The following ASAP2 variants were observed in gnomAD, a reference collection of about 807,000 sequenced individuals.
ASAP2 encodes ArfGAP with SH3 domain, ankyrin repeat and PH domain 2.
Under a neutral mutation model 131.4 loss-of-function variants are expected in ASAP2, and 45 were observed. That is an observed-to-expected ratio of 0.34 (90% confidence interval 0.27 to 0.44). The LOEUF is 0.44. Among genes scored for constraint, ASAP2 ranks in the 20% least tolerant of loss-of-function variants. The pLI is 1.00. For synonymous variants in ASAP2, 510 were observed against 503.0 expected, an observed-to-expected ratio of 1.01 and a Z score of -0.19; for missense variants, 1,011 against 1,297.0, an observed-to-expected ratio of 0.78 and a Z score of 3.39.
At chr2:9,215,516 T>A (rs923912481) in intron 1 of ASAP2, among the ~76,000 whole-genome samples, 2 of 152,196 alleles carry the variant, frequency 1.3e-5, no homozygotes, top group Non-Finnish European at 2.9e-5. Context: ...TATTACCATG[T>A]GTTGCTTACA....
At chr2:9,373,400 C>G (rs1411514592) in intron 16 of ASAP2, among the ~76,000 whole-genome samples, 6 of 152,240 alleles carry the variant, frequency 3.9e-5, no homozygotes. Flanking sequence ...GATTTGAGGC[C>G]TGGCAGACGC....
At chr2:9,229,869 C>T (rs185072185) in intron 1 of ASAP2, among the ~76,000 whole-genome samples, 2 of 152,184 alleles carry the variant, frequency 1.3e-5, no homozygotes, top group Admixed American at 1.3e-4. Context: ...TGTGGGTGGG[C>T]CAGGCTGTTG....
chr2:9,321,211 G>A (rs1410107350), intron 5 of ASAP2, among the ~76,000 whole-genome samples: 1 of 151,754 alleles, frequency 6.6e-6, no homozygotes, highest in Non-Finnish European at 1.5e-5. Flanking sequence ...TCATTAGATT[G>A]TTTAAAAAAA....
At chr2:9,265,075 G>A (rs956873815) in intron 1 of ASAP2, among the ~76,000 whole-genome samples, 2 of 152,200 alleles carry the variant, frequency 1.3e-5, no homozygotes, top group African/African-American at 2.4e-5. Flanking sequence ...GGTGGAGGCT[G>A]CAGTGAGCCG....
chr2:9,317,617 A>C (rs575378899), intron 3 of ASAP2, among the ~76,000 whole-genome samples: 2 of 145,266 alleles, frequency 1.4e-5, no homozygotes, highest in East Asian at 2.1e-4. Flanking sequence ...CACATCCACA[A>C]TCACACCCAC....
intron 11 of ASAP2, among the ~76,000 whole-genome samples, chr2:9,348,950 G>A (rs1291157834): frequency 6.6e-6 from 1 of 152,118 alleles, no homozygotes; most frequent in East Asian, 1.9e-4. Flanking sequence ...TGAGCCCCGA[G>A]CCCTGGAGCC....
intron 15 of ASAP2, among the ~76,000 whole-genome samples, chr2:9,365,315 G>A (rs1673384978): frequency 6.6e-6 from 1 of 152,158 alleles, no homozygotes; most frequent in African/African-American, 2.4e-5. Context: ...GGATCCAAGG[G>A]GCCCAGTTAA....
At chr2:9,385,470 C>A in intron 21 of ASAP2, 112 bp downstream of exon 21, 4 of 827,390 alleles carry the variant, frequency 4.8e-6, no homozygotes, top group South Asian at 1.7e-5. Context: ...GAAAATGTAG[C>A]TTACTTTATG....
At chr2:9,214,093 C>T (rs1280673039) in intron 1 of ASAP2, among the ~76,000 whole-genome samples, 2 of 152,132 alleles carry the variant, frequency 1.3e-5, no homozygotes, top group African/African-American at 4.8e-5. Context: ...CATTTCAGCT[C>T]CCCAAACACT....
intron 24 of ASAP2, among the ~76,000 whole-genome samples, chr2:9,395,174 C>G (rs1676015948): frequency 6.6e-6 from 1 of 152,124 alleles, no homozygotes; most frequent in Non-Finnish European, 1.5e-5. Context: ...AGTTCCACCT[C>G]TCAATAAAGA....
chr2:9,314,700 G>A (rs1226531773), intron 3 of ASAP2, among the ~76,000 whole-genome samples: 1 of 152,048 alleles, frequency 6.6e-6, no homozygotes, highest in East Asian at 1.9e-4. Flanking sequence ...TTGGGAGGCC[G>A]AGGCAGGTGG....
intron 3 of ASAP2, among the ~76,000 whole-genome samples, chr2:9,317,331 CTT>C (rs1669789559): frequency 1.7e-4 from 1 of 5,804 alleles, no homozygotes; most frequent in Admixed American, 4.3e-3. Flanking sequence ...ACAATCATAT[CTT>C]CACTCACACA....
At chr2:9,369,030 T>TC (rs200140240) in intron 16 of ASAP2, among the ~76,000 whole-genome samples, 3 of 151,570 alleles carry the variant, frequency 2.0e-5, no homozygotes, top group Admixed American at 6.6e-5. Context: ...TTTTTTTTTT[T>TC]TCTGGGAGAC....
At position 9,217,947 on chromosome 2, in the gene ASAP2, C is replaced by T. The variant is rs925667093; in HGVS notation, c.126+10717C>T. Among the ~76,000 whole-genome samples the T allele has an allele frequency of 6.6e-6, 1 of 150,582 alleles. No individual in the cohort carries two copies. Among genetic ancestry groups the T allele is most frequent in the Admixed American group, 6.6e-5 (1 of 15,092 alleles). ...TTTTTACATGAAAAAATAATGATGA[C>T]AATGCTTTAATTTCATTTCTCTGAG... On this transcript the variant is annotated intron_variant, in intron 1 of 27. Coordinates refer to ENST00000281419, the MANE Select transcript of ASAP2 (RefSeq NM_003887.3). This position sits in a 1 kb window ranked among gnomAD's most constrained non-coding sequence, Gnocchi z 4.0.
In ASAP2 at chr2:9,380,827, G is replaced by A. The variant is rs1242264369; in HGVS notation, c.2016+19G>A. 6.2e-7 allele frequency: 1 copy of A among 1,611,894 alleles called. No homozygotes were observed. The highest frequency in any genetic ancestry group is 8.5e-7 in the Non-Finnish European group (1 of 1,178,548). Reference sequence around the variant, plus strand: ...GGAGCTGGTGAGTCTCCCACCACAAGGACGGGGTGGGGCACCTGTCACGGG... The same window carrying A: ...GGAGCTGGTGAGTCTCCCACCACAAAGACGGGGTGGGGCACCTGTCACGGG... On this transcript the variant is annotated intron_variant, in intron 20 of 27. Transcript: ENST00000281419.
intron 3 of ASAP2, among the ~76,000 whole-genome samples, chr2:9,303,800 T>A (rs115440420): frequency 1.2e-3 from 176 of 152,320 alleles, no homozygotes; most frequent in African/African-American, 3.9e-3. Context: ...TGGATACTGT[T>A]TCTTTTTGGG....
At chr2:9,340,006 T>A (rs922280224) in intron 9 of ASAP2, among the ~76,000 whole-genome samples, 1 of 152,122 alleles carries the variant, frequency 6.6e-6, no homozygotes, top group Non-Finnish European at 1.5e-5. Flanking sequence ...GTAGGCAATG[T>A]TTGCCCATGT....
chr2:9,278,795 C>T (rs1267608943), intron 1 of ASAP2, among the ~76,000 whole-genome samples: 6 of 152,258 alleles, frequency 3.9e-5, no homozygotes, highest in South Asian at 4.1e-4. Context: ...ATCTGAGGCT[C>T]GGGAAGCAAT....
At chr2:9,355,536 T>A (rs56017407) in intron 12 of ASAP2, among the ~76,000 whole-genome samples, 40,069 of 151,962 alleles carry the variant, frequency 0.26, 5,594 homozygotes, top group Middle Eastern at 0.32. Flanking sequence ...AGTATGTAAG[T>A]GTAGGATTTT....
Sources: allele counts gnomAD v4.1 joint callset (sites outside exome capture counted in the v4.1 genomes callset), GRCh38; gene constraint gnomAD v4.1.1; non-coding constraint Gnocchi (gnomAD v3.1); transcripts MANE v1.5; gene names NCBI Gene and HGNC (gene_info 2026-07-23, HGNC 2026-07-21).